Variants in RFX3 observed in about 807,000 individuals in gnomAD.
RFX3 encodes the protein regulatory factor X3, also known as transcription factor RFX3.
In RFX3, 14 loss-of-function variants were observed where a neutral mutation model predicts 98.6. The observed-to-expected ratio is 0.14, with a 90% CI of 0.09 to 0.22. The LOEUF is 0.22. RFX3 is among the 10% of genes least tolerant of loss of function. The probability of loss-of-function intolerance (pLI) is 1.00; values close to 1 mark genes in which losing one functional copy is unlikely to be tolerated. For missense variants in RFX3, 639 were observed against 926.9 expected, an observed-to-expected ratio of 0.69 and a Z score of 4.03; for synonymous variants, 383 against 328.4, an observed-to-expected ratio of 1.17 and a Z score of -1.80.
intron 1 of RFX3, among the ~76,000 whole-genome samples, chr9:3,438,664 T>C (rs2132652295): frequency 6.6e-6 from 1 of 151,982 alleles, no homozygotes; most frequent in African/African-American, 2.4e-5. Context: ...TATAGACACA[T>C]ATAAGTTAAA....
At chr9:3,354,360 C>A (rs1835494534) in intron 2 of RFX3, among the ~76,000 whole-genome samples, 1 of 151,768 alleles carries the variant, frequency 6.6e-6, no homozygotes, top group Non-Finnish European at 1.5e-5. Context: ...CAGGGCAACA[C>A]AGCAAGACCC....
At chr9:3,264,051 G>C (rs992528746) in intron 12 of RFX3, among the ~76,000 whole-genome samples, 1 of 152,034 alleles carries the variant, frequency 6.6e-6, no homozygotes, top group Non-Finnish European at 1.5e-5. Flanking sequence ...GCCCTGGGAT[G>C]CTTTACTATT....
intron 4 of RFX3, among the ~76,000 whole-genome samples, chr9:3,321,783 T>C (rs1831351120): frequency 1.3e-5 from 2 of 152,144 alleles, no homozygotes; most frequent in Admixed American, 1.3e-4. Context: ...CACACTTTTC[T>C]ATCCAAGTGA....
chr9:3,425,791 G>C (rs1843960393), intron 1 of RFX3, among the ~76,000 whole-genome samples: 1 of 152,090 alleles, frequency 6.6e-6, no homozygotes, highest in African/African-American at 2.4e-5. Context: ...ACTAGACCAT[G>C]AGGTATTGTA....
intron 7 of RFX3, among the ~76,000 whole-genome samples, chr9:3,282,068 T>C (rs1352224492): frequency 3.3e-5 from 5 of 151,816 alleles, no homozygotes; most frequent in African/African-American, 1.2e-4. Flanking sequence ...TTTGCATGAA[T>C]AAATTGAAAT....
At chr9:3,327,068 A>G (rs779347812) in intron 4 of RFX3, among the ~76,000 whole-genome samples, 1 of 152,168 alleles carries the variant, frequency 6.6e-6, no homozygotes, top group Non-Finnish European at 1.5e-5. Context: ...ATGTTTGGAA[A>G]GAAATGGCTT....
chr9:3,440,561 T>C (rs898906923), intron 1 of RFX3, among the ~76,000 whole-genome samples: 2 of 152,110 alleles, frequency 1.3e-5, no homozygotes, highest in Admixed American at 1.3e-4. Flanking sequence ...CACTGAAAAC[T>C]ACAAAAATAC....
intron 1 of RFX3, among the ~76,000 whole-genome samples, chr9:3,412,297 G>A (rs1393411505): frequency 1.3e-5 from 2 of 152,296 alleles, no homozygotes; most frequent in East Asian, 3.9e-4. Flanking sequence ...GTGACCTTGA[G>A]TCATGGTTAG....
intron 1 of RFX3, among the ~76,000 whole-genome samples, chr9:3,498,584 C>T (rs1173102977): frequency 6.6e-6 from 1 of 151,894 alleles, no homozygotes; most frequent in Non-Finnish European, 1.5e-5. Flanking sequence ...ACGTGATATC[C>T]TTTTTTTGTT....
intron 2 of RFX3, among the ~76,000 whole-genome samples, chr9:3,387,212 A>C (rs1191340587): frequency 1.3e-5 from 2 of 152,112 alleles, no homozygotes; most frequent in Non-Finnish European, 2.9e-5. Flanking sequence ...CTTTGTATCA[A>C]ATTCCATCAA....
At chr9:3,362,911 G>C (rs1338834405) in intron 2 of RFX3, among the ~76,000 whole-genome samples, 1 of 152,174 alleles carries the variant, frequency 6.6e-6, no homozygotes, top group African/African-American at 2.4e-5. Context: ...ACTCAGGAAA[G>C]ATTTAGTTTA....
chr9:3,482,596 A>C (rs1010388480), intron 1 of RFX3, among the ~76,000 whole-genome samples: 1 of 152,226 alleles, frequency 6.6e-6, no homozygotes, highest in Non-Finnish European at 1.5e-5. Context: ...AATATAAAAT[A>C]TTGCCCAAAA....
At chr9:3,306,833 A>G (rs933125516) in intron 4 of RFX3, among the ~76,000 whole-genome samples, 11 of 152,116 alleles carry the variant, frequency 7.2e-5, no homozygotes, top group Non-Finnish European at 1.5e-4. Context: ...AGGCAAAGCA[A>G]ACAAGATAAG....
At chr9:3,292,927 T>C in intron 6 of RFX3, 150 bp downstream of exon 6, 1 of 563,114 alleles carries the variant, frequency 1.8e-6, no homozygotes. Flanking sequence ...TAATGTCCTT[T>C]CCTTTTCCTG....
At chr9:3,291,172 C>G (rs1352553698) in intron 6 of RFX3, among the ~76,000 whole-genome samples, 2 of 152,064 alleles carry the variant, frequency 1.3e-5, no homozygotes, top group East Asian at 3.9e-4. Context: ...TGAGACCAGC[C>G]TGGCCAACAT....
intron 4 of RFX3, among the ~76,000 whole-genome samples, chr9:3,319,647 T>A (rs1250529005): frequency 6.6e-6 from 1 of 152,132 alleles, no homozygotes; most frequent in South Asian, 2.1e-4. Context: ...ATTTAAAAAA[T>A]AATGTGGCAA....
intron 1 of RFX3, among the ~76,000 whole-genome samples, chr9:3,475,778 T>A (rs1245089212): frequency 6.6e-6 from 1 of 152,184 alleles, no homozygotes; most frequent in East Asian, 1.9e-4. Context: ...TCCAGATAAC[T>A]GTGGGCAGGC....
chr9:3,238,128 C>T (rs1391120334), intron 15 of RFX3, among the ~76,000 whole-genome samples: 2 of 152,190 alleles, frequency 1.3e-5, no homozygotes, highest in Non-Finnish European at 2.9e-5. Context: ...GTCACATTAT[C>T]TTTAAAACTC....
At chr9:3,251,326 A>C (rs1289092833) in intron 14 of RFX3, among the ~76,000 whole-genome samples, 1 of 152,068 alleles carries the variant, frequency 6.6e-6, no homozygotes, top group Non-Finnish European at 1.5e-5. Context: ...TGTATTTCCT[A>C]GATTATCTTT....
Sources: gnomAD v4.1 joint callset for allele counts (sites outside exome capture counted in the v4.1 genomes callset) on GRCh38, gnomAD v4.1.1 for gene constraint, MANE v1.5 for transcripts, NCBI Gene and HGNC (gene_info 2026-07-23, HGNC 2026-07-21) for gene names.